The following DMD variants were observed in gnomAD, a reference collection of about 807,000 sequenced individuals.
The protein encoded by DMD is mutant dystrophin.
Under a neutral mutation model 330.1 loss-of-function variants are expected in DMD, and 63 were observed. The observed-to-expected ratio is 0.19, with a 90% CI of 0.16 to 0.24. DMD has a LOEUF of 0.24. DMD is among the 10% of genes least tolerant of loss of function. The pLI is 1.00. For missense variants in DMD, 3,344 were observed against 2,684.1 expected (o/e 1.25, Z -5.43); for synonymous variants, 1,223 against 959.8 (o/e 1.27, Z -5.07).
intron 61 of DMD, among the ~76,000 whole-genome samples, chrX:31,346,761 G>A (rs936137127): frequency 4.6e-5 from 5 of 109,408 alleles, no homozygotes; most frequent in Non-Finnish European, 7.6e-5. Context: ...CACTTTGGGA[G>A]GCCAAGGCGA....
intron 51 of DMD, among the ~76,000 whole-genome samples, chrX:31,739,597 C>T (rs1413852651): frequency 8.3e-5 from 9 of 108,471 alleles, no homozygotes; most frequent in Non-Finnish European, 1.5e-4. Context: ...CATCACACAC[C>T]GGGGCCTGTC....
At chrX:32,056,987 T>C (rs2096181045) in intron 44 of DMD, among the ~76,000 whole-genome samples, 1 of 111,548 alleles carries the variant, frequency 9.0e-6, no homozygotes, top group Non-Finnish European at 1.9e-5. Flanking sequence ...ATCAGTGTGA[T>C]ACACAACATT....
chrX:32,938,265 G>A (rs747518262), intron 2 of DMD, among the ~76,000 whole-genome samples: 1 of 111,268 alleles, frequency 9.0e-6, no homozygotes, highest in Non-Finnish European at 1.9e-5. Flanking sequence ...CGAATTTATC[G>A]GGTTTGGGGT....
chrX:32,885,058 C>T (rs1264709694), intron 2 of DMD, among the ~76,000 whole-genome samples: 2 of 111,864 alleles, frequency 1.8e-5, no homozygotes, highest in South Asian at 7.4e-4. Flanking sequence ...GGATCCTAGC[C>T]TAGCACCACT....
intron 60 of DMD, among the ~76,000 whole-genome samples, chrX:31,405,788 T>C (rs957311551): frequency 9.0e-6 from 1 of 111,661 alleles, no homozygotes; most frequent in Non-Finnish European, 1.9e-5. Context: ...GTAAACCATA[T>C]ACTAAAAGCA....
chrX:31,575,769 T>C (rs755228527), intron 55 of DMD, among the ~76,000 whole-genome samples: 19 of 111,903 alleles, frequency 1.7e-4, no homozygotes, highest in Non-Finnish European at 3.0e-4. Flanking sequence ...ACATAAACAG[T>C]TTTAAATGGA....
intron 1 of DMD, among the ~76,000 whole-genome samples, chrX:33,195,019 A>C (rs1482094309): frequency 9.0e-6 from 1 of 111,449 alleles, no homozygotes; most frequent in Non-Finnish European, 1.9e-5. Flanking sequence ...CATGCAATAA[A>C]CATTTCTCAC....
In DMD at chrX:31,774,047, C is replaced by A. The variant is rs765207227; in HGVS notation, c.7455G>T (p.Trp2485Cys). 22 of 1,210,427 alleles carry A rather than the reference C, an allele frequency of 1.8e-5. No homozygotes were observed. Among genetic ancestry groups the A allele is most frequent in the Non-Finnish European group, 2.3e-5 (21 of 895,213 alleles). Residue 2485 changes from tryptophan (W) to cysteine (C), a missense_variant, in exon 51 of 79, where the codon TGG (tryptophan) becomes TGT (cysteine). Physicochemically the swap from Trp to Cys is radical, Grantham distance 215 (BLOSUM62 -2). Coordinates refer to ENST00000357033, the MANE Select transcript of DMD (RefSeq NM_004006.3). ...TTATAACTTGATCAAGCAGAGAAAG[C>A]CAGTCGGTAAGTTCTGTCCAAGCCC... ...FNRAWTELTDWLSLLDQVIKS... is the reference protein window; with the variant it reads ...FNRAWTELTDCLSLLDQVIKS...
At chrX:31,336,933 T>A (rs2057436504) in intron 61 of DMD, among the ~76,000 whole-genome samples, 1 of 107,435 alleles carries the variant, frequency 9.3e-6, no homozygotes, top group African/African-American at 3.4e-5. Flanking sequence ...TTTCTTTTTT[T>A]TTTTTTTTGA....
At chrX:31,769,050 C>T (rs2090176050) in intron 51 of DMD, among the ~76,000 whole-genome samples, 1 of 111,738 alleles carries the variant, frequency 8.9e-6, no homozygotes, top group Non-Finnish European at 1.9e-5. Context: ...TAAAATAATA[C>T]TTTAATCAAG....
chrX:32,748,286 G>C (rs1281231885), intron 7 of DMD, among the ~76,000 whole-genome samples: 1 of 106,337 alleles, frequency 9.4e-6, no homozygotes, highest in Non-Finnish European at 1.9e-5. Flanking sequence ...AGCGGTAGCA[G>C]TGAGCCAAGA....
intron 43 of DMD, among the ~76,000 whole-genome samples, chrX:32,238,955 C>T (rs2097198137): frequency 8.9e-6 from 1 of 111,911 alleles, no homozygotes; most frequent in South Asian, 3.7e-4. Flanking sequence ...AATTTTCTCT[C>T]CACAGTTGCC....
chrX:32,333,007 A>G (rs1039106311), intron 41 of DMD, among the ~76,000 whole-genome samples: 3 of 111,502 alleles, frequency 2.7e-5, no homozygotes, highest in African/African-American at 9.8e-5. Flanking sequence ...GCATTTCAGC[A>G]TTAGAGAAGT....
intron 1 of DMD, among the ~76,000 whole-genome samples, chrX:33,288,216 T>G (rs1013639441): frequency 5.4e-5 from 6 of 111,433 alleles, no homozygotes; most frequent in African/African-American, 2.0e-4. Context: ...AAAATAAAGA[T>G]TTTACTTTCT....
At chrX:33,265,685 C>T (rs976732388) in intron 1 of DMD, among the ~76,000 whole-genome samples, 2 of 110,884 alleles carry the variant, frequency 1.8e-5, no homozygotes, top group South Asian at 3.8e-4. Flanking sequence ...GAACAAAATA[C>T]GTAAAGATAA....
At chrX:33,326,852 C>A (rs1378861537) in intron 1 of DMD, among the ~76,000 whole-genome samples, 2 of 110,264 alleles carry the variant, frequency 1.8e-5, no homozygotes, top group African/African-American at 6.6e-5. Flanking sequence ...AAGGTGGTGA[C>A]TGTCAGGAGA....
intron 7 of DMD, among the ~76,000 whole-genome samples, chrX:32,721,846 T>C (rs978143344): frequency 3.6e-5 from 4 of 110,121 alleles, no homozygotes; most frequent in Non-Finnish European, 5.7e-5. Context: ...CTTTAGTCCA[T>C]TTTCACTTAA....
chrX:32,137,999 T>A (rs965422714), intron 44 of DMD, among the ~76,000 whole-genome samples: 7 of 96,340 alleles, frequency 7.3e-5, no homozygotes, highest in African/African-American at 2.7e-4. Context: ...GGCCCAGGAA[T>A]TTGTATGCAA....
In DMD at chrX:32,222,452, AC is replaced by A. The variant is rs752551388; in HGVS notation, c.6291-5390del. Among the ~76,000 whole-genome samples, 41 of 112,503 alleles carry A rather than the reference AC, an allele frequency of 3.6e-4. No homozygotes were observed. The East Asian group carries it at 4.5e-3, about 12-fold the overall frequency. Reference sequence around the variant, plus strand: ...CAGAGCAGAACTAAATGAAATTGAAACAAAAATATAAAAGATCAATGAAACA... The same window carrying A: ...CAGAGCAGAACTAAATGAAATTGAAAAAAAATATAAAAGATCAATGAAACA... On this transcript the variant is annotated intron_variant, in intron 43 of 78. Transcript: ENST00000357033.
Sources: gnomAD v4.1 joint callset for allele counts (sites outside exome capture counted in the v4.1 genomes callset) on GRCh38, gnomAD v4.1.1 for gene constraint, MANE v1.5 for transcripts, NCBI Gene and HGNC (gene_info 2026-07-23, HGNC 2026-07-21) for gene names.